NTM: variants seen among roughly 807,000 people sequenced by gnomAD.
NTM encodes neurotrimin.
In NTM, 13 loss-of-function variants were observed where a neutral mutation model predicts 42.1. The ratio of observed to expected loss-of-function variants is 0.31; its 90% confidence interval spans 0.20 to 0.49. The LOEUF is 0.49. Among genes scored for constraint, NTM ranks in the 20% least tolerant of loss-of-function variants. NTM has a pLI of 0.99. For synonymous variants in NTM, 187 were observed against 179.2 expected, an observed-to-expected ratio of 1.04 and a Z score of -0.35; for missense variants, 373 against 452.8, an observed-to-expected ratio of 0.82 and a Z score of 1.60.
chr11:131,396,814 A>ACC (rs756061069), intron 1 of NTM, among the ~76,000 whole-genome samples: 1 of 151,668 alleles, frequency 6.6e-6, no homozygotes, highest in Non-Finnish European at 1.5e-5. Context: ...AGCCCGGGCA[A>ACC]CAGAGTGAAA....
chr11:132,311,620 C>T (rs1311628888), intron 6 of NTM, among the ~76,000 whole-genome samples: 1 of 152,144 alleles, frequency 6.6e-6, no homozygotes, highest in Non-Finnish European at 1.5e-5. Flanking sequence ...TAAACTGAGG[C>T]ATAAAAATTA....
chr11:132,227,974 T>A (rs1019171407), intron 4 of NTM, among the ~76,000 whole-genome samples: 1 of 152,170 alleles, frequency 6.6e-6, no homozygotes, highest in Admixed American at 6.5e-5. Context: ...CCTCAATATT[T>A]AACCCTGCAT....
intron 2 of NTM, among the ~76,000 whole-genome samples, chr11:132,029,358 A>C (rs1288805882): frequency 9.9e-6 from 1 of 100,564 alleles, no homozygotes; most frequent in Non-Finnish European, 1.9e-5. Context: ...ACCCCACAAC[A>C]GGCCCCGGTG....
intron 2 of NTM, among the ~76,000 whole-genome samples, chr11:132,130,064 A>G (rs979653218): frequency 6.6e-6 from 1 of 152,242 alleles, no homozygotes; most frequent in Non-Finnish European, 1.5e-5. Flanking sequence ...GAAGAATTCA[A>G]TTCCAGAGTC....
chr11:131,481,113 A>T (rs900595747), intron 1 of NTM, among the ~76,000 whole-genome samples: 19 of 152,194 alleles, frequency 1.2e-4, no homozygotes, highest in Non-Finnish European at 1.5e-5. Context: ...AGAGAATTTG[A>T]TACTGATGGA....
rs571220689 is a variant in NTM at position 131,598,825 on chromosome 11, T to C, written c.82+227937T>C. Among the ~76,000 whole-genome samples, 250 of 49,092 alleles carry C rather than the reference T, an allele frequency of 5.1e-3. 28 individuals are homozygous for C. The highest frequency in any genetic ancestry group is 0.013 in the African/African-American group (191 of 14,322). The allele number at this position is 49,092 out of a possible 152,430, so 32.2% of individuals were successfully genotyped here. ...TTTCTTTCTTTCTTCTTTCTTTCTT[T>C]CTTCTTTCTTTCTTTCTTTCTTTCT... On this transcript the variant is annotated intron_variant, in intron 1 of 8. Coordinates refer to ENST00000683400, the MANE Select transcript of NTM (RefSeq NM_001352005.2).
chr11:131,806,505 T>C (rs1418943481), intron 1 of NTM, among the ~76,000 whole-genome samples: 1 of 152,108 alleles, frequency 6.6e-6, no homozygotes, highest in African/African-American at 2.4e-5. Context: ...ATTTATTAAA[T>C]ATATAAAGAT....
rs1462816733 is a variant in NTM, at chr11:132,104,889, GC to G, written c.168-41391del. On this transcript the variant is annotated intron_variant, in intron 2 of 8. Coordinates refer to ENST00000683400, the MANE Select transcript of NTM (RefSeq NM_001352005.2). ...CACTGTAATTACTGTAATTACTCCA[GC>G]CTGAGTAACACAGGGAGATCCTCTC... Among the ~76,000 whole-genome samples, 17 of 138,648 alleles carry G rather than the reference GC, an allele frequency of 1.2e-4. No individual in the cohort carries two copies. The East Asian group carries it at 3.4e-3, about 28-fold the overall frequency. The allele number at this position is 138,648 out of a possible 152,430, so 91.0% of individuals were successfully genotyped here. A position where few individuals can be genotyped will look rare whatever the true frequency, so the allele number is the denominator to read the frequency against.
chr11:131,375,829 C>A (rs147825205), intron 1 of NTM, among the ~76,000 whole-genome samples: 45 of 152,074 alleles, frequency 3.0e-4, no homozygotes, highest in African/African-American at 1.1e-3. Context: ...ATTTATGCAA[C>A]CCTCTGGATT....
At chr11:131,422,605 C>T (rs185591469) in intron 1 of NTM, among the ~76,000 whole-genome samples, 1 of 152,226 alleles carries the variant, frequency 6.6e-6, no homozygotes, top group South Asian at 2.1e-4. Flanking sequence ...ATCCTCCCCG[C>T]TCCAAATCAT....
chr11:132,292,460 G>A (rs1342560847), intron 4 of NTM, among the ~76,000 whole-genome samples: 2 of 152,138 alleles, frequency 1.3e-5, no homozygotes, highest in East Asian at 1.9e-4. Flanking sequence ...AGAGGACAGC[G>A]TGGATGGAGG....
At chr11:132,195,912 TG>T (rs1282607631) in intron 3 of NTM, among the ~76,000 whole-genome samples, 1 of 152,186 alleles carries the variant, frequency 6.6e-6, no homozygotes, top group Non-Finnish European at 1.5e-5. Flanking sequence ...AATTTAGGAC[TG>T]AGTCCCCAAA....
At chr11:131,557,776 G>A (rs2055653789) in intron 1 of NTM, among the ~76,000 whole-genome samples, 1 of 152,022 alleles carries the variant, frequency 6.6e-6, no homozygotes, top group South Asian at 2.1e-4. Flanking sequence ...TGGGAGTGGA[G>A]GGTGAGTAGT....
chr11:131,552,282 G>A (rs2034384), intron 1 of NTM, among the ~76,000 whole-genome samples: 25,700 of 152,086 alleles, frequency 0.17, 4,851 homozygotes, highest in African/African-American at 0.47. Context: ...GGCTGGAGAT[G>A]GTGTAAAAGT....
intron 1 of NTM, among the ~76,000 whole-genome samples, chr11:131,613,514 G>C (rs916921218): frequency 6.6e-6 from 1 of 152,186 alleles, no homozygotes; most frequent in African/African-American, 2.4e-5. Flanking sequence ...AGACAGAGGA[G>C]GGAATCTATG....
intron 2 of NTM, among the ~76,000 whole-genome samples, chr11:131,931,453 T>A (rs1400180337): frequency 6.9e-6 from 1 of 144,416 alleles, no homozygotes; most frequent in Admixed American, 7.1e-5. Context: ...AAAAAAATAA[T>A]AATAATAATA....
intron 1 of NTM, among the ~76,000 whole-genome samples, chr11:131,449,876 G>C (rs1565512633): frequency 6.6e-6 from 1 of 152,134 alleles, no homozygotes; most frequent in Non-Finnish European, 1.5e-5. Context: ...TGAAAACTGG[G>C]TGAGTCAAGA....
At chr11:131,735,078 G>T (rs1273305690) in intron 1 of NTM, among the ~76,000 whole-genome samples, 1 of 152,192 alleles carries the variant, frequency 6.6e-6, no homozygotes, top group Non-Finnish European at 1.5e-5. Flanking sequence ...GGTCTCCAGA[G>T]GTGCTAGATT....
intron 1 of NTM, among the ~76,000 whole-genome samples, chr11:131,527,429 A>G (rs889970136): frequency 4.6e-5 from 7 of 152,176 alleles, no homozygotes; most frequent in African/African-American, 7.2e-5. Flanking sequence ...CCACCTGGAT[A>G]TTCTTATCAC....
Sources: gnomAD v4.1 joint callset for allele counts (sites outside exome capture counted in the v4.1 genomes callset) on GRCh38, gnomAD v4.1.1 for gene constraint, MANE v1.5 for transcripts, NCBI Gene and HGNC (gene_info 2026-07-23, HGNC 2026-07-21) for gene names.